Variants in GNAQ observed in about 807,000 individuals in gnomAD.
GNAQ encodes guanine nucleotide-binding protein G(q) subunit alpha.
GNAQ carries 8 observed loss-of-function variants against 43.9 expected under a neutral mutation model. The observed-to-expected ratio is 0.18, with a 90% CI of 0.11 to 0.33. GNAQ has a LOEUF of 0.33. Among genes scored for constraint, GNAQ ranks in the 10% least tolerant of loss-of-function variants. The pLI is 1.00. For missense variants in GNAQ, 158 were observed against 450.8 expected (o/e 0.35, Z 5.88); for synonymous variants, 155 against 170.7 (o/e 0.91, Z 0.71).
chr9:78,002,697 T>C (rs946739750), intron 1 of GNAQ, among the ~76,000 whole-genome samples: 3 of 152,178 alleles, frequency 2.0e-5, no homozygotes, highest in Admixed American at 2.0e-4. Context: ...ACTAGGAATC[T>C]GAACCCACAA....
intron 3 of GNAQ, among the ~76,000 whole-genome samples, chr9:77,805,886 A>T (rs1826822345): frequency 6.6e-6 from 1 of 152,208 alleles, no homozygotes; most frequent in South Asian, 2.1e-4. Context: ...AATCTAGAAA[A>T]GATTTTTAAA....
rs184226080 is a variant in GNAQ at position 77,790,615 on chromosome 9, G to A, written c.735+3848C>T. ...AAGAAGAGCTTAGAGGTAGAGGAGA[G>A]TTATTTCAACTCCTTCATGAAAGGG... On this transcript the variant is annotated intron_variant, in intron 5 of 6. Transcript: ENST00000286548. 2.0e-3 allele frequency among the ~76,000 whole-genome samples: 298 copies of A among 152,338 alleles called. 1 individual carries two copies. Among genetic ancestry groups the A allele is most frequent in the Non-Finnish European group, 2.8e-3 (192 of 68,024 alleles).
intron 5 of GNAQ, among the ~76,000 whole-genome samples, chr9:77,732,232 A>G (rs560378251): frequency 1.7e-4 from 26 of 152,236 alleles, no homozygotes; most frequent in African/African-American, 6.3e-4. Context: ...TATGACCCAT[A>G]ATATAAAACA....
chr9:77,905,362 C>T (rs1422145551), intron 2 of GNAQ, among the ~76,000 whole-genome samples: 2 of 152,188 alleles, frequency 1.3e-5, no homozygotes, highest in Non-Finnish European at 2.9e-5. Flanking sequence ...TCTCAAAAGA[C>T]AGTCTAAGGC....
chr9:77,938,267 T>C (rs1336607220), intron 1 of GNAQ, among the ~76,000 whole-genome samples: 2 of 152,216 alleles, frequency 1.3e-5, no homozygotes, highest in Non-Finnish European at 1.5e-5. Flanking sequence ...ACACAGCCTA[T>C]GGATTCAGAA....
chr9:77,922,110 G>A (rs777804733), intron 2 of GNAQ, 51 bp downstream of exon 2: 3 of 1,298,856 alleles, frequency 2.3e-6, no homozygotes, highest in Non-Finnish European at 3.3e-6. Context: ...TCACATTATT[G>A]TGAACACCTG....
chr9:77,764,482 GTCTC>G (rs1826101471), intron 5 of GNAQ, among the ~76,000 whole-genome samples: 2 of 150,150 alleles, frequency 1.3e-5, no homozygotes, highest in Admixed American at 6.6e-5. Context: ...TTGAGATGGA[GTCTC>G]TCTCTGTCAC....
intron 5 of GNAQ, among the ~76,000 whole-genome samples, chr9:77,733,438 C>T (rs1396865894): frequency 6.6e-6 from 1 of 152,174 alleles, no homozygotes; most frequent in African/African-American, 2.4e-5. Flanking sequence ...AGCCCCTACA[C>T]AAATGGTCTT....
chr9:77,769,531 A>G (rs527364141), intron 5 of GNAQ, among the ~76,000 whole-genome samples: 3 of 152,274 alleles, frequency 2.0e-5, no homozygotes, highest in East Asian at 3.9e-4. Context: ...CACAGGCAGG[A>G]AGAAGGTGAG....
chr9:77,923,392 C>A (rs1344252386), intron 1 of GNAQ, among the ~76,000 whole-genome samples: 1 of 152,102 alleles, frequency 6.6e-6, no homozygotes, highest in Non-Finnish European at 1.5e-5. Context: ...TTCAATATTA[C>A]TTTTCCGTTA....
rs543916582 is a variant in GNAQ at position 77,937,917 on chromosome 9, A to T, written c.137-15572T>A. Among the ~76,000 whole-genome samples, 554 of 152,300 alleles carry T rather than the reference A, an allele frequency of 3.6e-3. 2 individuals carry two copies. The highest frequency in any genetic ancestry group is 0.012 in the African/African-American group (499 of 41,560). The stretch of plus-strand genomic sequence containing the variant: ...CAAAATAAATAAATAAATAAAATTT[A>T]AAAAAAGATAGAAGAGCTTGCTGCT... On this transcript the variant is annotated intron_variant, in intron 1 of 6. Transcript: ENST00000286548.
intron 2 of GNAQ, among the ~76,000 whole-genome samples, chr9:77,849,766 A>T (rs1232736747): frequency 6.6e-6 from 1 of 152,164 alleles, no homozygotes; most frequent in Non-Finnish European, 1.5e-5. Flanking sequence ...TCCTAGGCTC[A>T]AGCGATCCTC....
intron 2 of GNAQ, among the ~76,000 whole-genome samples, chr9:77,825,104 T>C (rs889514449): frequency 6.6e-6 from 1 of 152,214 alleles, no homozygotes; most frequent in African/African-American, 2.4e-5. Flanking sequence ...CAATGGTGAA[T>C]GTTAAGTACT....
intron 2 of GNAQ, among the ~76,000 whole-genome samples, chr9:77,858,679 T>C (rs889138897): frequency 3.3e-5 from 5 of 151,742 alleles, no homozygotes; most frequent in Non-Finnish European, 7.4e-5. Context: ...CATGCTTCCT[T>C]TCTCTGCTTG....
At chr9:77,753,115 A>G (rs1381560957) in intron 5 of GNAQ, among the ~76,000 whole-genome samples, 2 of 150,436 alleles carry the variant, frequency 1.3e-5, no homozygotes, top group African/African-American at 4.9e-5. Flanking sequence ...AAGAAAAAGG[A>G]AAAAAAGAAG....
chr9:77,739,398 G>C (rs887290189), intron 5 of GNAQ, among the ~76,000 whole-genome samples: 14 of 152,028 alleles, frequency 9.2e-5, no homozygotes, highest in Non-Finnish European at 1.6e-4. Flanking sequence ...TGCTCTTAAT[G>C]TTTTGTTATA....
intron 3 of GNAQ, among the ~76,000 whole-genome samples, chr9:77,810,304 C>T (rs903867881): frequency 2.0e-5 from 3 of 152,038 alleles, no homozygotes; most frequent in Non-Finnish European, 4.4e-5. Flanking sequence ...GGCTGTATTT[C>T]AGTGGTTAAA....
chr9:77,904,425 C>A (rs975414250), intron 2 of GNAQ, among the ~76,000 whole-genome samples: 5 of 149,706 alleles, frequency 3.3e-5, no homozygotes, highest in Non-Finnish European at 7.4e-5. Context: ...CTCCACCTCC[C>A]GGGTTCACCC....
chr9:77,763,115 A>C (rs892727874), intron 5 of GNAQ, among the ~76,000 whole-genome samples: 1 of 140,584 alleles, frequency 7.1e-6, no homozygotes. Context: ...ATTAAAAAAA[A>C]ACAAAAAAAT....
Sources: allele counts gnomAD v4.1 joint callset (sites outside exome capture counted in the v4.1 genomes callset), GRCh38; gene constraint gnomAD v4.1.1; transcripts MANE v1.5; gene names NCBI Gene and HGNC (gene_info 2026-07-23, HGNC 2026-07-21).